CELF2: variants seen among roughly 807,000 people sequenced by gnomAD.
The protein encoded by CELF2 is CUGBP Elav-like family member 2.
In CELF2, 8 loss-of-function variants were observed where a neutral mutation model predicts 62.6. The ratio of observed to expected loss-of-function variants is 0.13; its 90% confidence interval spans 0.07 to 0.23. The LOEUF is 0.23. Ranked by LOEUF, CELF2 falls within the 10% of genes least tolerant of loss-of-function variation. The pLI, the probability that CELF2 is intolerant of heterozygous loss-of-function variation, is 1.00. For missense variants in CELF2, 333 were observed against 671.0 expected (o/e 0.50, Z 5.56); for synonymous variants, 258 against 250.0 (o/e 1.03, Z -0.30).
chr10:11,257,336 C>CAAAAAAAAAAAA (rs61363639), intron 4 of CELF2, among the ~76,000 whole-genome samples: 5 of 114,738 alleles, frequency 4.4e-5, no homozygotes, highest in Non-Finnish European at 7.0e-5. Context: ...AGACCATCTA[C>CAAAAAAAAAAAA]AAAAAAAAAA....
chr10:11,206,777 G>A (rs2060525761), intron 2 of CELF2, among the ~76,000 whole-genome samples: 1 of 152,246 alleles, frequency 6.6e-6, no homozygotes. Flanking sequence ...TACAAAGCGT[G>A]ATAAATTCTA....
chr10:10,980,404 G>A lies in CELF2; in HGVS notation c.89+60405G>A, dbSNP rs530941502. On this transcript the variant is annotated intron_variant, in intron 2 of 13. Coordinates refer to the CELF2 transcript ENST00000636488. ...GAATGTTATCTTCGAAGCCCTTCTC[G>A]CCTCTTAGACTCAGGTGTGCCTCTA... Among the ~76,000 whole-genome samples the A allele has an allele frequency of 1.4e-3, 214 of 152,158 alleles. 1 individual carries two copies. The highest frequency in any genetic ancestry group is 4.7e-3 in the African/African-American group (196 of 41,520).
At chr10:10,924,157 C>CT (rs2065201059) in intron 2 of CELF2, 2 of 151,496 alleles carry the variant, frequency 1.3e-5, no homozygotes, top group South Asian at 4.2e-4. Context: ...TGGCGGGCGC[C>CT]TGTAGTCCCA....
At position 11,319,021 on chromosome 10, in the gene CELF2, G is replaced by A. The variant is rs957918677; in HGVS notation, c.1097-2168G>A. On this transcript the variant is annotated intron_variant, in intron 10 of 12. Coordinates refer to ENST00000633077, the MANE Select transcript of CELF2 (RefSeq NM_001326342.2). This position sits in a 1 kb window ranked among gnomAD's most constrained non-coding sequence, Gnocchi z 4.4. ...GAGCTGCTGTCTTCAGCCCGTCCTC[G>A]TCTGGCAGCAAGGCCCCACATGGCT... 4.5e-5 allele frequency: 21 copies of A among 470,938 alleles called. No homozygotes were observed. The highest frequency in any genetic ancestry group is 1.2e-4 in the Admixed American group (5 of 42,572). 29.2% of individuals were successfully genotyped at this position (470,938 alleles called of 1,614,324 possible). A position where few individuals can be genotyped will look rare whatever the true frequency, so the allele number is the denominator to read the frequency against.
chr10:11,136,817 T>C (rs990778794), intron 1 of CELF2, among the ~76,000 whole-genome samples: 1 of 152,172 alleles, frequency 6.6e-6, no homozygotes, highest in Non-Finnish European at 1.5e-5. Context: ...ATATTTATAA[T>C]TTAAACATCA....
the CELF2 span, among the ~76,000 whole-genome samples, chr10:10,588,515 A>C: frequency 3.3e-5 from 5 of 152,032 alleles, no homozygotes; most frequent in Non-Finnish European, 7.4e-5. Flanking sequence ...CTCTGGTGGC[A>C]CTCTGGCTGT....
At chr10:11,181,956 G>A (rs770537448) in intron 2 of CELF2, among the ~76,000 whole-genome samples, 1 of 152,162 alleles carries the variant, frequency 6.6e-6, no homozygotes, top group Admixed American at 6.5e-5. Flanking sequence ...ATCAGCTGAT[G>A]GGCACTCCAT....
At chr10:10,753,609 C>T in the CELF2 span, among the ~76,000 whole-genome samples, 1 of 152,164 alleles carries the variant, frequency 6.6e-6, no homozygotes, top group Non-Finnish European at 1.5e-5. Flanking sequence ...TAGCTTTCTT[C>T]TTGGACAACT....
intron 4 of CELF2, among the ~76,000 whole-genome samples, chr10:11,256,823 C>G (rs1035788654): frequency 2.0e-5 from 3 of 152,008 alleles, no homozygotes; most frequent in Non-Finnish European, 4.4e-5. Context: ...TGAAGTACAA[C>G]GTGTCTTATC....
At chr10:10,832,760 T>C (rs1456961445) in intron 1 of CELF2, among the ~76,000 whole-genome samples, 1 of 152,172 alleles carries the variant, frequency 6.6e-6, no homozygotes, top group African/African-American at 2.4e-5. Flanking sequence ...TGTCTTGTTT[T>C]TAAAATGGAA....
chr10:11,260,010 C>T lies in CELF2; in HGVS notation c.538+2138C>T, dbSNP rs766792514. Among the ~76,000 whole-genome samples the T allele has an allele frequency of 6.6e-6, 1 of 152,152 alleles. No homozygotes were observed. The highest frequency in any genetic ancestry group is 1.5e-5 in the Non-Finnish European group (1 of 68,028). On this transcript the variant is annotated intron_variant, in intron 5 of 12. Coordinates refer to ENST00000633077, the MANE Select transcript of CELF2 (RefSeq NM_001326342.2). The surrounding 1 kb of genome is among the most constrained non-coding windows in gnomAD (Gnocchi z 4.2). ...ATGGAGAAACGGCACAAGGAGAGCC[C>T]TTAAATTACTCATAGCGAAATCTAT...
chr10:10,555,656 C>T, the CELF2 span, among the ~76,000 whole-genome samples: 1 of 152,090 alleles, frequency 6.6e-6, no homozygotes, highest in African/African-American at 2.4e-5. Context: ...TATTGCATAC[C>T]CTGTACCATT....
At chr10:11,048,699 C>A (rs1486109214) in intron 1 of CELF2, among the ~76,000 whole-genome samples, 1 of 152,220 alleles carries the variant, frequency 6.6e-6, no homozygotes, top group Non-Finnish European at 1.5e-5. Flanking sequence ...TCTTGAGGGG[C>A]AATCCAAACT....
At chr10:10,822,378 CT>C (rs1478873237) in intron 1 of CELF2, among the ~76,000 whole-genome samples, 1 of 152,178 alleles carries the variant, frequency 6.6e-6, no homozygotes, top group Non-Finnish European at 1.5e-5. Flanking sequence ...AAGAGATTTC[CT>C]TGCCTCAAGG....
At chr10:10,841,115 A>G (rs1486739997) in intron 1 of CELF2, among the ~76,000 whole-genome samples, 1 of 152,136 alleles carries the variant, frequency 6.6e-6, no homozygotes, top group Admixed American at 6.5e-5. Flanking sequence ...GTTGGTTCCA[A>G]GTCTTTGCTA....
chr10:11,069,106 T>G (rs2068977826), intron 1 of CELF2, among the ~76,000 whole-genome samples: 1 of 152,172 alleles, frequency 6.6e-6, no homozygotes, highest in South Asian at 2.1e-4. Context: ...GCTGATGCAA[T>G]AGTGAAGTGT....
At chr10:11,009,572 A>G (rs531342091) in intron 1 of CELF2, among the ~76,000 whole-genome samples, 2 of 152,118 alleles carry the variant, frequency 1.3e-5, no homozygotes, top group Non-Finnish European at 2.9e-5. Flanking sequence ...AAGACCATCA[A>G]AGTTAACAGG....
chr10:10,665,930 G>A, the CELF2 span, among the ~76,000 whole-genome samples: 1 of 152,158 alleles, frequency 6.6e-6, no homozygotes, highest in Non-Finnish European at 1.5e-5. Flanking sequence ...CGAAGCCAAG[G>A]CCATGAAGCT....
chr10:11,197,508 G>C (rs1055396296), intron 2 of CELF2, among the ~76,000 whole-genome samples: 1 of 152,246 alleles, frequency 6.6e-6, no homozygotes. Flanking sequence ...CCAGAATACA[G>C]TTGAGTGTCC....
Sources: allele counts gnomAD v4.1 joint callset (sites outside exome capture counted in the v4.1 genomes callset), GRCh38; gene constraint gnomAD v4.1.1; non-coding constraint Gnocchi (gnomAD v3.1); transcripts MANE v1.5; gene names NCBI Gene and HGNC (gene_info 2026-07-23, HGNC 2026-07-21).